Variants in SDK2 observed in about 807,000 individuals in gnomAD.
SDK2 encodes the protein protein sidekick-2.
In SDK2, 105 loss-of-function variants were observed where a neutral mutation model predicts 253.9. The observed-to-expected ratio is 0.41, with a 90% CI of 0.35 to 0.49. The LOEUF (loss-of-function observed/expected upper bound fraction) is 0.49, where lower values mean the gene tolerates loss of function less well. Among genes scored for constraint, SDK2 ranks in the 20% least tolerant of loss-of-function variants. The pLI is 0.06. For missense variants in SDK2, 2,608 were observed against 3,003.0 expected (o/e 0.87, Z 3.07); for synonymous variants, 1,249 against 1,234.9 (o/e 1.01, Z -0.24).
chr17:73,634,163 G>T (rs1225021926), intron 1 of SDK2, among the ~76,000 whole-genome samples: 2 of 152,130 alleles, frequency 1.3e-5, no homozygotes, highest in African/African-American at 4.8e-5. Flanking sequence ...GCCAGCCCAG[G>T]GTGCCCCCTG....
At chr17:73,436,646 C>T (rs1482680240) in intron 8 of SDK2, among the ~76,000 whole-genome samples, 1 of 151,762 alleles carries the variant, frequency 6.6e-6, no homozygotes, top group East Asian at 1.9e-4. Flanking sequence ...CAAGGAGCAC[C>T]CCACGGCCCT....
intron 1 of SDK2, among the ~76,000 whole-genome samples, chr17:73,535,979 T>A (rs1028065354): frequency 2.6e-5 from 4 of 152,180 alleles, no homozygotes; most frequent in African/African-American, 9.7e-5. Flanking sequence ...CCACGCCCAC[T>A]CTGACACTTT....
Position 73,431,480 on chromosome 17 carries a change from C to T in SDK2, c.1480+22G>A. 1 of 1,602,052 alleles carries T rather than the reference C, an allele frequency of 6.2e-7. No homozygotes were observed. The highest frequency in any genetic ancestry group is 8.5e-7 in the Non-Finnish European group (1 of 1,174,636). ...CACACGCACACACAAATGTATAAAG[C>T]CCTGTGGCTCTGCACACTCACCCCA... is the stretch of plus-strand genomic sequence containing the variant. On this transcript the variant is annotated intron_variant, in intron 11 of 44. Coordinates refer to ENST00000392650, the MANE Select transcript of SDK2 (RefSeq NM_001144952.2). This position sits in a 1 kb window ranked among gnomAD's most constrained non-coding sequence, Gnocchi z 5.6.
intron 1 of SDK2, among the ~76,000 whole-genome samples, chr17:73,562,233 G>A (rs1567844287): frequency 6.6e-6 from 1 of 152,152 alleles, no homozygotes; most frequent in Non-Finnish European, 1.5e-5. Flanking sequence ...ACGCTCCAAC[G>A]GGGCTGCAAC....
At chr17:73,374,959 C>G (rs974658521) in intron 36 of SDK2, among the ~76,000 whole-genome samples, 1 of 152,128 alleles carries the variant, frequency 6.6e-6, no homozygotes, top group Non-Finnish European at 1.5e-5. Context: ...CTCTGAAGGT[C>G]CCAGTCCTCC....
intron 12 of SDK2, among the ~76,000 whole-genome samples, chr17:73,428,656 G>C (rs1473090162): frequency 1.3e-5 from 2 of 152,072 alleles, no homozygotes; most frequent in African/African-American, 4.8e-5. Flanking sequence ...TTTCAATCCT[G>C]GTGACACATT....
intron 1 of SDK2, among the ~76,000 whole-genome samples, chr17:73,636,448 G>T (rs1457855499): frequency 6.6e-6 from 1 of 152,114 alleles, no homozygotes; most frequent in Non-Finnish European, 1.5e-5. Context: ...AGCACTTTGG[G>T]AGACCGAGGT....
At chr17:73,371,501 C>A (rs142388471) in intron 36 of SDK2, among the ~76,000 whole-genome samples, 1 of 152,118 alleles carries the variant, frequency 6.6e-6, no homozygotes, top group Non-Finnish European at 1.5e-5. Flanking sequence ...GAATTATTAA[C>A]AACTTTGGCA....
chr17:73,506,303 C>T (rs981436564), intron 2 of SDK2, among the ~76,000 whole-genome samples: 2 of 152,150 alleles, frequency 1.3e-5, no homozygotes, highest in African/African-American at 2.4e-5. Flanking sequence ...CCTGGAGAAC[C>T]GGAGGCCCAG....
At chr17:73,422,872 T>A (rs1398698778) in intron 14 of SDK2, among the ~76,000 whole-genome samples, 1 of 151,872 alleles carries the variant, frequency 6.6e-6, no homozygotes, top group Non-Finnish European at 1.5e-5. Context: ...AAATACAAAA[T>A]TAGCTGGGCA....
At chr17:73,451,560 A>G (rs977008942) in intron 4 of SDK2, among the ~76,000 whole-genome samples, 24 of 152,212 alleles carry the variant, frequency 1.6e-4, no homozygotes, top group African/African-American at 5.5e-4. Context: ...CTCAACTTCT[A>G]TGGTGTGAAG....
chr17:73,391,534 T>TG lies in SDK2; in HGVS notation c.3902dup (p.Gly1302ArgfsTer180). ...GGAACAGGATGCCCATGGGTGGTCC[T>TG]GGGACTGGAGGGGGCAAAGGAGAGG... On this transcript the variant is annotated frameshift_variant, in exon 28 of 45. Coordinates refer to ENST00000392650, the MANE Select transcript of SDK2 (RefSeq NM_001144952.2). LOFTEE classifies it high-confidence loss of function. 2 of 1,296,044 alleles carry TG rather than the reference T, an allele frequency of 1.5e-6. No homozygotes were observed. Among genetic ancestry groups the TG allele is most frequent in the Non-Finnish European group, 2.0e-6 (2 of 1,014,206 alleles). 80.3% of individuals were successfully genotyped at this position (1,296,044 alleles called of 1,614,324 possible).
At chr17:73,449,970 A>G (rs1737664258) in intron 4 of SDK2, among the ~76,000 whole-genome samples, 1 of 152,216 alleles carries the variant, frequency 6.6e-6, no homozygotes, top group South Asian at 2.1e-4. Flanking sequence ...AACAAAAAAC[A>G]GGAGAGTCCT....
At chr17:73,406,615 CTA>C (rs1422767856) in intron 18 of SDK2, among the ~76,000 whole-genome samples, 5 of 151,944 alleles carry the variant, frequency 3.3e-5, no homozygotes, top group African/African-American at 1.2e-4. Context: ...GCAATCAGAC[CTA>C]TAGGGGAGTG....
intron 3 of SDK2, among the ~76,000 whole-genome samples, chr17:73,463,151 C>A (rs2063575213): frequency 6.6e-6 from 1 of 152,172 alleles, no homozygotes; most frequent in Non-Finnish European, 1.5e-5. Flanking sequence ...TAAGGGCTTG[C>A]CACACTGACT....
At chr17:73,557,255 A>G (rs1226418249) in intron 1 of SDK2, among the ~76,000 whole-genome samples, 1 of 151,996 alleles carries the variant, frequency 6.6e-6, no homozygotes, top group Non-Finnish European at 1.5e-5. Context: ...AACAAGCTCG[A>G]CCTTGCCAAG....
At chr17:73,385,530 G>A (rs1381291102) in intron 32 of SDK2, among the ~76,000 whole-genome samples, 2 of 152,140 alleles carry the variant, frequency 1.3e-5, no homozygotes, top group Admixed American at 6.5e-5. Context: ...GCCACTCACT[G>A]GCTATGTGAC....
At chr17:73,392,982 C>T (rs984755941) in intron 27 of SDK2, among the ~76,000 whole-genome samples, 5 of 152,126 alleles carry the variant, frequency 3.3e-5, no homozygotes, top group Non-Finnish European at 7.4e-5. Context: ...CAGTGGCTCA[C>T]ATCTGTAATT....
intron 1 of SDK2, among the ~76,000 whole-genome samples, chr17:73,537,832 T>G (rs1248571380): frequency 6.6e-6 from 1 of 152,202 alleles, no homozygotes; most frequent in Non-Finnish European, 1.5e-5. Context: ...GGAAGCAGCC[T>G]GAACCCATTC....
Sources: gnomAD v4.1 joint callset for allele counts (sites outside exome capture counted in the v4.1 genomes callset) on GRCh38, gnomAD v4.1.1 for gene constraint, Gnocchi (gnomAD v3.1) non-coding constraint, MANE v1.5 for transcripts, NCBI Gene and HGNC (gene_info 2026-07-23, HGNC 2026-07-21) for gene names.